CCBE1: variants seen among roughly 807,000 people sequenced by gnomAD.
CCBE1 encodes collagen and calcium-binding EGF domain-containing protein 1.
CCBE1 carries 37 observed loss-of-function variants against 50.0 expected under a neutral mutation model. That is an observed-to-expected ratio of 0.74 (90% CI 0.57 to 0.97). The LOEUF (loss-of-function observed/expected upper bound fraction) is 0.97, where lower values mean the gene tolerates loss of function less well. CCBE1 is among the 50% of genes least tolerant of loss of function. The pLI is 0.00. For missense variants in CCBE1, 538 were observed against 523.8 expected (o/e 1.03, Z -0.26); for synonymous variants, 234 against 203.7 (o/e 1.15, Z -1.27).
chr18:59,447,192 C>CAT (rs1010602453), intron 7 of CCBE1, among the ~76,000 whole-genome samples: 5 of 152,036 alleles, frequency 3.3e-5, no homozygotes, highest in Non-Finnish European at 5.9e-5. Context: ...TTTATACACA[C>CAT]ATATATATAC....
At chr18:59,453,686 G>C (rs1379072052) in intron 6 of CCBE1, among the ~76,000 whole-genome samples, 2 of 152,112 alleles carry the variant, frequency 1.3e-5, no homozygotes, top group East Asian at 3.9e-4. Context: ...TAGAATCACT[G>C]GATGCCAAAG....
chr18:59,568,274 G>A (rs1163415761), intron 2 of CCBE1: 2 of 151,762 alleles, frequency 1.3e-5, no homozygotes, highest in African/African-American at 4.9e-5. Context: ...CACAATCCCT[G>A]ATTCTGCTTT....
At chr18:59,509,658 C>T (rs1914043119) in intron 2 of CCBE1, among the ~76,000 whole-genome samples, 1 of 152,134 alleles carries the variant, frequency 6.6e-6, no homozygotes, top group African/African-American at 2.4e-5. Flanking sequence ...AGCAGCACAC[C>T]ACATAAAAGA....
chr18:59,523,639 G>A (rs563891466), intron 2 of CCBE1, among the ~76,000 whole-genome samples: 1 of 152,080 alleles, frequency 6.6e-6, no homozygotes, highest in Admixed American at 6.6e-5. Context: ...GATTGTCAAG[G>A]TTATTTCATG....
intron 2 of CCBE1, among the ~76,000 whole-genome samples, chr18:59,680,469 C>T (rs927379116): frequency 6.6e-6 from 1 of 151,830 alleles, no homozygotes; most frequent in Admixed American, 6.6e-5. Context: ...GAGGCTGAGG[C>T]GGGAGGATCA....
chr18:59,553,405 A>G (rs763796349), intron 2 of CCBE1, among the ~76,000 whole-genome samples: 9 of 152,124 alleles, frequency 5.9e-5, no homozygotes, highest in African/African-American at 9.7e-5. Flanking sequence ...AAAGATTGCT[A>G]CACACACACA....
At chr18:59,554,056 G>A (rs1440309355) in intron 2 of CCBE1, among the ~76,000 whole-genome samples, 1 of 152,176 alleles carries the variant, frequency 6.6e-6, no homozygotes. Context: ...AGGCTGGAGA[G>A]CAGTGGTGCG....
At chr18:59,545,851 C>G (rs1568198222) in intron 2 of CCBE1, among the ~76,000 whole-genome samples, 1 of 152,206 alleles carries the variant, frequency 6.6e-6, no homozygotes, top group African/African-American at 2.4e-5. Flanking sequence ...CCTTTCACCT[C>G]CTGCCATGAT....
At chr18:59,586,331 G>C (rs540892274) in intron 2 of CCBE1, among the ~76,000 whole-genome samples, 1 of 152,126 alleles carries the variant, frequency 6.6e-6, no homozygotes, top group African/African-American at 2.4e-5. Context: ...ATGTGGGTGG[G>C]AAGAATCAAA....
chr18:59,674,076 C>A (rs901087153), intron 2 of CCBE1, among the ~76,000 whole-genome samples: 4 of 152,136 alleles, frequency 2.6e-5, no homozygotes, highest in Non-Finnish European at 5.9e-5. Flanking sequence ...TGGTCCCAGG[C>A]TCTTTTTGGT....
chr18:59,574,339 G>A (rs925874603), intron 2 of CCBE1, among the ~76,000 whole-genome samples: 1 of 152,200 alleles, frequency 6.6e-6, no homozygotes, highest in African/African-American at 2.4e-5. Context: ...AACTGAAGAT[G>A]TGAAATGTAA....
intron 2 of CCBE1, among the ~76,000 whole-genome samples, chr18:59,673,321 G>A (rs1310167184): frequency 6.6e-6 from 1 of 152,140 alleles, no homozygotes; most frequent in African/African-American, 2.4e-5. Context: ...TGTGGTGGCA[G>A]ACACCTGTAA....
chr18:59,650,951 C>T (rs1162440318), intron 2 of CCBE1, among the ~76,000 whole-genome samples: 1 of 152,022 alleles, frequency 6.6e-6, no homozygotes, highest in East Asian at 2.0e-4. Context: ...AGCTTCAAGA[C>T]AGACAGACTG....
At chr18:59,686,087 A>G (rs2054649464) in intron 2 of CCBE1, 1 of 152,244 alleles carries the variant, frequency 6.6e-6, no homozygotes, top group Non-Finnish European at 1.5e-5. Flanking sequence ...TTATTCTTCA[A>G]TGATGAACAG....
At chr18:59,458,141 C>CATCT (rs1402119451) in intron 5 of CCBE1, among the ~76,000 whole-genome samples, 108 of 146,958 alleles carry the variant, frequency 7.3e-4, no homozygotes, top group African/African-American at 2.6e-3. Context: ...TCCATCCATC[C>CATCT]ATCCATCTAT....
intron 7 of CCBE1, among the ~76,000 whole-genome samples, chr18:59,445,505 A>G (rs573341373): frequency 6.6e-6 from 1 of 152,380 alleles, no homozygotes; most frequent in South Asian, 2.1e-4. Flanking sequence ...CTGACAGAGC[A>G]GTGACAAGAT....
chr18:59,606,272 A>G (rs551015475), intron 2 of CCBE1, among the ~76,000 whole-genome samples: 2 of 152,288 alleles, frequency 1.3e-5, no homozygotes, highest in East Asian at 3.9e-4. Context: ...TTAGGATGGA[A>G]TTCCTCAGAT....
chr18:59,461,231 T>C lies in CCBE1; in HGVS notation c.553+5508A>G, dbSNP rs558975832. Among the ~76,000 whole-genome samples the C allele has an allele frequency of 1.7e-3, 252 of 151,900 alleles. 1 individual carries two copies. The highest frequency in any genetic ancestry group is 2.5e-3 in the Non-Finnish European group (171 of 67,996). On this transcript the variant is annotated intron_variant, in intron 5 of 10. Coordinates refer to ENST00000439986, the MANE Select transcript of CCBE1 (RefSeq NM_133459.4). Reference sequence around the variant, plus strand: ...GGAACTTTCCACTGCATCACAGCTGTTAAAGAAATGATCCCCTTCCCCGCC... The same window carrying C: ...GGAACTTTCCACTGCATCACAGCTGCTAAAGAAATGATCCCCTTCCCCGCC...
Position 59,619,573 on chromosome 18 carries a change from G to A in CCBE1, c.212+77056C>T, listed in dbSNP as rs190454277. 1.1e-3 allele frequency among the ~76,000 whole-genome samples: 175 copies of A among 152,282 alleles called. 1 individual carries two copies. In the South Asian group the frequency reaches 0.016, roughly 14 times the overall value. ...GTGTATTATATATAAAGTCTCAGAT[G>A]TAAAGTTCTTTCTATGATTTATCCG... On this transcript the variant is annotated intron_variant, in intron 2 of 10. Transcript: ENST00000439986.
Sources: gnomAD v4.1 joint callset for allele counts (sites outside exome capture counted in the v4.1 genomes callset) on GRCh38, gnomAD v4.1.1 for gene constraint, MANE v1.5 for transcripts, NCBI Gene and HGNC (gene_info 2026-07-23, HGNC 2026-07-21) for gene names.